HOXA3: variants seen among roughly 807,000 people sequenced by gnomAD.
HOXA3 encodes the protein homeobox protein Hox-A3.
HOXA3 carries 8 observed loss-of-function variants against 30.3 expected under a neutral mutation model. That is an observed-to-expected ratio of 0.26 (90% CI 0.15 to 0.48). The LOEUF (loss-of-function observed/expected upper bound fraction) is 0.48, where lower values mean the gene tolerates loss of function less well. HOXA3 is among the 20% of genes least tolerant of loss of function. HOXA3 has a pLI of 0.99. For synonymous variants in HOXA3, 323 were observed against 273.1 expected, an observed-to-expected ratio of 1.18 and a Z score of -1.80; for missense variants, 653 against 614.4, an observed-to-expected ratio of 1.06 and a Z score of -0.66.
chr7:27,142,941 G>A, intron 1 of HOXA3: 8 of 1,092,868 alleles, frequency 7.3e-6, no homozygotes, highest in Non-Finnish European at 1.0e-5. Flanking sequence ...GCAGGGCTGG[G>A]AGAAATGAGA....
intron 1 of HOXA3, chr7:27,143,271 C>A (rs201542016): frequency 1.9e-6 from 3 of 1,606,054 alleles, no homozygotes; most frequent in African/African-American, 2.7e-5. Context: ...TGGTGGCTGT[C>A]GCTGCCGGGC....
At chr7:27,139,906 T>A (rs1161233231) in intron 2 of HOXA3, among the ~76,000 whole-genome samples, 177 bp downstream of exon 2, 1 of 152,162 alleles carries the variant, frequency 6.6e-6, no homozygotes, top group Non-Finnish European at 1.5e-5. Flanking sequence ...CTCACTCTGC[T>A]GCCTCCGCAG....
intron 3 of HOXA3, among the ~76,000 whole-genome samples, chr7:27,125,739 G>A (rs1295772926): frequency 2.0e-5 from 3 of 152,236 alleles, no homozygotes; most frequent in African/African-American, 7.2e-5. Context: ...ATTCAGAGGG[G>A]AAGCCCCAGG....
intron 1 of HOXA3, chr7:27,146,066 T>A (rs925002734): frequency 1.1e-6 from 1 of 897,074 alleles, no homozygotes; most frequent in Non-Finnish European, 1.7e-6. Flanking sequence ...CAAAGCATAC[T>A]GAATGGGAGA....
chr7:27,137,261 G>A (rs17500813), intron 2 of HOXA3, among the ~76,000 whole-genome samples: 1 of 152,164 alleles, frequency 6.6e-6, no homozygotes, highest in African/African-American at 2.4e-5. Flanking sequence ...GAAAGAGCAG[G>A]AGAAAGGGAA....
chr7:27,143,794 C>T (rs1782659213), intron 1 of HOXA3: 1 of 1,107,198 alleles, frequency 9.0e-7, no homozygotes, highest in Non-Finnish European at 1.2e-6. Flanking sequence ...TAAATCCTGC[C>T]TGATGACCTC....
At chr7:27,120,827 C>T (rs1784969228) in intron 4 of HOXA3, 1 of 152,248 alleles carries the variant, frequency 6.6e-6, no homozygotes, top group Non-Finnish European at 1.5e-5. Context: ...TTGGCCTGGG[C>T]AGCCTATCTG....
chr7:27,143,261 T>C, intron 1 of HOXA3: 1 of 1,608,044 alleles, frequency 6.2e-7, no homozygotes. Context: ...TTTCCCGCCG[T>C]GGTGGCTGTC....
At chr7:27,152,235 C>A in intron 1 of HOXA3, 53 bp downstream of exon 1, 1 of 1,191,114 alleles carries the variant, frequency 8.4e-7, no homozygotes, top group Non-Finnish European at 1.1e-6. Context: ...CCGCTACCGC[C>A]GCCGGCTGTC....
chr7:27,114,772 G>A (rs1303633002), intron 4 of HOXA3, among the ~76,000 whole-genome samples: 2 of 13,300 alleles, frequency 1.5e-4, no homozygotes, highest in East Asian at 8.5e-3. Context: ...CACACACGCA[G>A]GGCAGAGGAA....
At chr7:27,145,490 TTG>T (rs1782725547) in intron 1 of HOXA3, 11 of 719,676 alleles carry the variant, frequency 1.5e-5, no homozygotes, top group African/African-American at 4.3e-5. Flanking sequence ...TTGTTTTGTT[TTG>T]TTTTGTAAGA....
At chr7:27,129,568 T>C (rs770232786) in intron 2 of HOXA3, 1 of 1,611,668 alleles carries the variant, frequency 6.2e-7, no homozygotes, top group South Asian at 1.1e-5. Flanking sequence ...ATAACTGGGG[T>C]TAACTGAAAA....
In HOXA3 at chr7:27,130,806, C is replaced by A; in HGVS notation, c.-389-3736G>T. 5 of 1,443,782 alleles carry A rather than the reference C, an allele frequency of 3.5e-6. No homozygotes were observed. The South Asian group carries it at 4.9e-5, about 14-fold the overall frequency. 89.4% of individuals were successfully genotyped at this position (1,443,782 alleles called of 1,614,324 possible). A position where few individuals can be genotyped will look rare whatever the true frequency, so the allele number is the denominator to read the frequency against. ...TTCTGGGCTTGCCGAGGCCCCTCCCCCTCCTGCCTCGCTTCCCATCCCCCT... is the reference window on the plus strand; with the variant it reads ...TTCTGGGCTTGCCGAGGCCCCTCCCACTCCTGCCTCGCTTCCCATCCCCCT... On this transcript the variant is annotated intron_variant, in intron 2 of 5. Coordinates refer to ENST00000612286, the MANE Select transcript of HOXA3 (RefSeq NM_153631.3).
chr7:27,143,473 G>C (rs1233994084), intron 1 of HOXA3: 1 of 1,613,842 alleles, frequency 6.2e-7, no homozygotes, highest in Admixed American at 1.7e-5. Context: ...AGCCGTAGCC[G>C]TACCTGCCGG....
intron 4 of HOXA3, chr7:27,119,660 G>C (rs1404949234): frequency 6.6e-6 from 1 of 152,112 alleles, no homozygotes; most frequent in Non-Finnish European, 1.5e-5. Flanking sequence ...TGAGTGTGAG[G>C]ACTCACTTAT....
At chr7:27,110,784 C>G in intron 4 of HOXA3, 24 bp from the exon 5 acceptor site, 1 of 1,255,326 alleles carries the variant, frequency 8.0e-7, no homozygotes, top group East Asian at 2.4e-5. Flanking sequence ...AAGCGCAGCG[C>G]GGTGAGGGCT....
intron 5 of HOXA3, 137 bp downstream of exon 5, chr7:27,109,978 T>G: frequency 3.7e-6 from 4 of 1,082,540 alleles, no homozygotes; most frequent in Non-Finnish European, 5.4e-6. Context: ...ATGAAAACCT[T>G]TTTGGTGGGC....
At chr7:27,126,693 G>A (rs1343304538) in intron 3 of HOXA3, among the ~76,000 whole-genome samples, 193 bp downstream of exon 3, 2 of 151,992 alleles carry the variant, frequency 1.3e-5, no homozygotes, top group African/African-American at 2.4e-5. Flanking sequence ...AATACAGTTG[G>A]GACAAAAATG....
chr7:27,145,931 C>A (rs1782744971), intron 1 of HOXA3: 13 of 1,607,832 alleles, frequency 8.1e-6, no homozygotes, highest in Non-Finnish European at 1.1e-5. Context: ...CGAGCAGAAA[C>A]GGCCGGGCGC....
Sources: gnomAD v4.1 joint callset for allele counts (sites outside exome capture counted in the v4.1 genomes callset) on GRCh38, gnomAD v4.1.1 for gene constraint, MANE v1.5 for transcripts, NCBI Gene and HGNC (gene_info 2026-07-23, HGNC 2026-07-21) for gene names.